Variants in SUGP1 observed in about 807,000 individuals in gnomAD.
The protein encoded by SUGP1 is SURP and G-patch domain-containing protein 1.
SUGP1 carries 34 observed loss-of-function variants against 76.5 expected under a neutral mutation model. The ratio of observed to expected loss-of-function variants is 0.44; its 90% CI spans 0.34 to 0.59. The LOEUF is 0.59. SUGP1 is among the 20% of genes least tolerant of loss of function. The pLI is 0.01. For synonymous variants in SUGP1, 326 were observed against 326.2 expected, an observed-to-expected ratio of 1.00 and a Z score of 0.01; for missense variants, 752 against 851.7, an observed-to-expected ratio of 0.88 and a Z score of 1.46.
intron 2 of SUGP1, among the ~76,000 whole-genome samples, chr19:19,312,213 T>C (rs983493756): frequency 1.3e-5 from 2 of 150,864 alleles, no homozygotes; most frequent in African/African-American, 4.9e-5. Flanking sequence ...GGTGACAGAG[T>C]AAGATCATTT....
intron 3 of SUGP1, among the ~76,000 whole-genome samples, chr19:19,306,694 C>A (rs1252709479): frequency 6.6e-6 from 1 of 152,252 alleles, no homozygotes; most frequent in African/African-American, 2.4e-5. Context: ...ACCCACCTGG[C>A]ATATCACACT....
In SUGP1 at chr19:19,316,468, C is replaced by T. The variant is rs774087554; in HGVS notation, c.160G>A (p.Ala54Thr). Residue 54 changes from alanine to threonine, a missense_variant, in exon 2 of 14, where the codon GCC becomes ACC. By Grantham distance (58) the Ala-to-Thr change is moderately conservative. Around this residue, in one of 2 missense-constraint regions of SUGP1, gnomAD observed 620 missense variants for 617.3 expected, o/e 1.00. Transcript: ENST00000247001. ...REIEAKMEQK[A>T]KQNQVASPQP... ...GGGCTGGCCACCTGATTCTGCTTGG[C>T]TTTCTGTTCCATTTTGGCTTCAATT... 1 of 1,613,932 alleles carries T rather than the reference C, an allele frequency of 6.2e-7. No individual in the cohort carries two copies. Among genetic ancestry groups the T allele is most frequent in the Admixed American group, 1.7e-5 (1 of 59,950 alleles).
intron 2 of SUGP1, 62 bp downstream of exon 2, chr19:19,316,360 C>T: frequency 6.3e-7 from 1 of 1,593,126 alleles, no homozygotes; most frequent in African/African-American, 1.3e-5. Flanking sequence ...AAGCCAAACC[C>T]TGTGCTGGTG....
At chr19:19,313,849 A>G (rs1037318319) in intron 2 of SUGP1, among the ~76,000 whole-genome samples, 1 of 152,094 alleles carries the variant, frequency 6.6e-6, no homozygotes, top group African/African-American at 2.4e-5. Context: ...CTAAAATACA[A>G]AAAAATGGCC....
chr19:19,277,929 G>GC, intron 11 of SUGP1, 50 bp from the exon 12 acceptor site: 1 of 1,603,220 alleles, frequency 6.2e-7, no homozygotes, highest in Non-Finnish European at 8.5e-7. Flanking sequence ...GGCTGTGGTG[G>GC]CCCCCAAATC....
chr19:19,318,200 C>A (rs1386866186), intron 1 of SUGP1, among the ~76,000 whole-genome samples: 1 of 144,216 alleles, frequency 6.9e-6, no homozygotes, highest in Non-Finnish European at 1.5e-5. Flanking sequence ...TCACTGCAAT[C>A]TCCACCTCCA....
In SUGP1 at chr19:19,277,247, CGGG is replaced by C. The variant is rs1568615816; in HGVS notation, c.1782-174_1782-172del. On this transcript the variant is annotated intron_variant, in intron 12 of 13. Transcript: ENST00000247001. ...GGTCAAGGAGGGGAGACCCCCGGGG[CGGG>C]CGGGGGGGGGGGGCCTAGGCCCCAG... 1.9e-3 allele frequency among the ~76,000 whole-genome samples: 28 copies of C among 14,732 alleles called. 1 individual carries two copies. Among genetic ancestry groups the C allele is most frequent in the African/African-American group, 3.3e-3 (25 of 7,548 alleles). 9.7% of individuals were successfully genotyped at this position (14,732 alleles called of 152,430 possible).
At position 19,276,570 on chromosome 19, in the gene SUGP1, G is replaced by A. The variant is rs1273149795; in HGVS notation, c.*78C>T. On this transcript the variant is annotated 3_prime_UTR_variant, in exon 14 of 14. Transcript: ENST00000247001. ...CACGGCACTCGTGACAACGGAAGGG[G>A]TGGGCAGAAATGCAGGCCGGAACAT... 2.5e-6 allele frequency: 4 copies of A among 1,570,040 alleles called. No individual in the cohort carries two copies. The highest frequency in any genetic ancestry group is 3.5e-6 in the Non-Finnish European group (4 of 1,141,496).
intron 7 of SUGP1, among the ~76,000 whole-genome samples, chr19:19,300,327 T>C (rs4808941): frequency 0.42 from 63,639 of 150,900 alleles, 14,849 homozygotes; most frequent in African/African-American, 0.62. Flanking sequence ...CCACTTGCCT[T>C]GGCCTCCCAA....
chr19:19,316,829 T>G (rs563707488), intron 1 of SUGP1, among the ~76,000 whole-genome samples: 1 of 151,950 alleles, frequency 6.6e-6, no homozygotes, highest in African/African-American at 2.4e-5. Context: ...GGGAAGACAA[T>G]AGACCCATAA....
intron 3 of SUGP1, 31 bp from the exon 4 acceptor site, chr19:19,306,107 G>A: frequency 6.7e-7 from 1 of 1,501,524 alleles, no homozygotes; most frequent in Non-Finnish European, 8.9e-7. Context: ...TGCGCACTCG[G>A]GATCTGCAGG....
At position 19,287,522 on chromosome 19, in the gene SUGP1, G is replaced by A. The variant is rs568977296; in HGVS notation, c.1244-7231C>T. Among the ~76,000 whole-genome samples, 5 of 152,188 alleles carry A rather than the reference G, an allele frequency of 3.3e-5. No individual in the cohort carries two copies. In the East Asian group the frequency reaches 5.8e-4, roughly 18 times the overall value. On this transcript the variant is annotated intron_variant, in intron 8 of 13. Coordinates refer to ENST00000247001, the MANE Select transcript of SUGP1 (RefSeq NM_172231.4). Reference sequence around the variant, plus strand: ...GGCTGCAGTGAGCTGAGATTGTGCCGCTGGACTCTAGCCTGGGCAACACAC... The same window carrying A: ...GGCTGCAGTGAGCTGAGATTGTGCCACTGGACTCTAGCCTGGGCAACACAC...
chr19:19,292,707 A>G (rs2061195426), intron 8 of SUGP1, among the ~76,000 whole-genome samples: 1 of 152,154 alleles, frequency 6.6e-6, no homozygotes, highest in Non-Finnish European at 1.5e-5. Context: ...ACAATTGAAT[A>G]TTCCTATGAA....
At chr19:19,290,953 C>T (rs1367908175) in intron 8 of SUGP1, among the ~76,000 whole-genome samples, 1 of 151,912 alleles carries the variant, frequency 6.6e-6, no homozygotes, top group East Asian at 1.9e-4. Context: ...CCCGTCTCTA[C>T]TAAAAATACA....
At chr19:19,286,498 A>G (rs1325644313) in intron 8 of SUGP1, among the ~76,000 whole-genome samples, 1 of 152,246 alleles carries the variant, frequency 6.6e-6, no homozygotes, top group Non-Finnish European at 1.5e-5. Flanking sequence ...TTTATAACAG[A>G]GTCCATGAAG....
chr19:19,307,014 A>G (rs2061322856), intron 3 of SUGP1, among the ~76,000 whole-genome samples: 1 of 152,012 alleles, frequency 6.6e-6, no homozygotes. Flanking sequence ...CCCCCGGATC[A>G]TGAAAGATGC....
chr19:19,287,184 T>TA (rs1317002377), intron 8 of SUGP1, among the ~76,000 whole-genome samples: 3 of 151,754 alleles, frequency 2.0e-5, no homozygotes, highest in African/African-American at 7.3e-5. Context: ...GACGGGAGGA[T>TA]CCCTTGACCC....
chr19:19,277,109 G>T, intron 12 of SUGP1, 33 bp from the exon 13 acceptor site: 1 of 1,593,228 alleles, frequency 6.3e-7, no homozygotes. Context: ...GCAGGGACCT[G>T]GGGCCAGAAC....
Position 19,305,853 on chromosome 19 carries a change from G to T in SUGP1, c.534C>A (p.Ile178=). 1.2e-6 allele frequency: 2 copies of T among 1,602,042 alleles called. No individual in the cohort carries two copies. Among genetic ancestry groups the T allele is most frequent in the South Asian group, 1.1e-5 (1 of 90,190 alleles). The change falls in exon 4 of 14, where the codon ATC becomes ATA. Residue 178 remains isoleucine, a synonymous_variant. Transcript: ENST00000247001. ...GCAGCAGCTCCCACAACTTACCTTT[G>T]ATCTCCAGCCACTGCTCATAGTCCT... is the stretch of plus-strand genomic sequence containing the variant. The part of the protein sequence containing the change: ...EEEDYEQWLE[I]KVSPPEGAET...
Sources: allele counts gnomAD v4.1 joint callset (sites outside exome capture counted in the v4.1 genomes callset), GRCh38; gene constraint gnomAD v4.1.1; regional missense constraint gnomAD v4.1.1; transcripts MANE v1.5; gene names NCBI Gene and HGNC (gene_info 2026-07-23, HGNC 2026-07-21).